The following ANKRD30A variants were observed in gnomAD, a reference collection of about 807,000 sequenced individuals.
The protein encoded by ANKRD30A is ankyrin repeat domain-containing protein 30A.
A neutral mutation model predicts 166.3 loss-of-function variants in ANKRD30A; 170 were observed. The observed-to-expected ratio is 1.02, with a 90% CI of 0.90 to 1.16. The LOEUF (loss-of-function observed/expected upper bound fraction) is 1.16. Ranked by LOEUF, ANKRD30A falls within the 50% of genes most tolerant of loss-of-function variation. ANKRD30A has a pLI of 0.00. For synonymous variants in ANKRD30A, 564 were observed against 508.9 expected (o/e 1.11, Z -1.46); for missense variants, 1,630 against 1,518.0 (o/e 1.07, Z -1.23).
At chr10:37,209,087 G>A (rs548387462) in intron 31 of ANKRD30A, among the ~76,000 whole-genome samples, 1 of 152,194 alleles carries the variant, frequency 6.6e-6, no homozygotes, top group African/African-American at 2.4e-5. Flanking sequence ...TCTTTCTAAG[G>A]TTATCATTAT....
At chr10:37,251,376 A>G in the ANKRD30A span, among the ~76,000 whole-genome samples, 2 of 152,156 alleles carry the variant, frequency 1.3e-5, no homozygotes, top group Non-Finnish European at 2.9e-5. Context: ...AAGCATAGAA[A>G]CATGGCACCA....
intron 31 of ANKRD30A, among the ~76,000 whole-genome samples, chr10:37,212,105 T>C (rs1842359503): frequency 6.6e-6 from 1 of 151,896 alleles, no homozygotes; most frequent in South Asian, 2.1e-4. Context: ...GACATGATTG[T>C]ATATCTAGAA....
chr10:37,201,146 T>A, intron 30 of ANKRD30A, 89 bp from the exon 31 acceptor site: 5 of 1,123,320 alleles, frequency 4.5e-6, no homozygotes, highest in Non-Finnish European at 6.1e-6. Context: ...GGACTTTTTT[T>A]TAAAAAAAGA....
chr10:37,137,550 T>TTAGCAAAC (rs1215151465), intron 6 of ANKRD30A, among the ~76,000 whole-genome samples: 1 of 152,182 alleles, frequency 6.6e-6, no homozygotes, highest in Non-Finnish European at 1.5e-5. Context: ...TCCAATGGTC[T>TTAGCAAAC]TAGCAAACGG....
intron 31 of ANKRD30A, among the ~76,000 whole-genome samples, chr10:37,206,205 G>C (rs888703752): frequency 1.3e-5 from 2 of 152,058 alleles, no homozygotes; most frequent in African/African-American, 4.8e-5. Context: ...GAAGTGGGAG[G>C]GGGGAAGAAG....
chr10:37,152,655 G>A (rs552120814), intron 12 of ANKRD30A, among the ~76,000 whole-genome samples: 188 of 152,220 alleles, frequency 1.2e-3, no homozygotes, highest in Non-Finnish European at 2.0e-3. Flanking sequence ...CCTTGTGGGA[G>A]TATAATAACA....
intron 34 of ANKRD30A, among the ~76,000 whole-genome samples, chr10:37,226,540 G>C (rs1353402438): frequency 2.0e-5 from 3 of 151,592 alleles, no homozygotes; most frequent in Non-Finnish European, 4.4e-5. Context: ...TCTTCTTACT[G>C]CTGAGTATAT....
At chr10:37,167,483 CT>C (rs1227035199) in intron 19 of ANKRD30A, among the ~76,000 whole-genome samples, 6 of 151,454 alleles carry the variant, frequency 4.0e-5, no homozygotes, top group Admixed American at 1.3e-4. Flanking sequence ...CCATAAAACT[CT>C]GAATTTATGA....
chr10:37,233,373 G>C (rs1018455018), downstream of ANKRD30A, among the ~76,000 whole-genome samples: 1 of 152,114 alleles, frequency 6.6e-6, no homozygotes, highest in African/African-American at 2.4e-5. Flanking sequence ...TGAAGTGTTA[G>C]TCATGATGCA....
At chr10:37,231,955 A>G (rs1843429605) in intron 35 of ANKRD30A, among the ~76,000 whole-genome samples, 1 of 152,052 alleles carries the variant, frequency 6.6e-6, no homozygotes, top group Non-Finnish European at 1.5e-5. Context: ...ACATTTTAGA[A>G]AGGGAATATT....
At chr10:37,149,358 C>A (rs1209042908) in intron 9 of ANKRD30A, among the ~76,000 whole-genome samples, 3 of 151,942 alleles carry the variant, frequency 2.0e-5, no homozygotes, top group Non-Finnish European at 4.4e-5. Context: ...CGTGGTGTAG[C>A]ATTCCATGTT....
At chr10:37,252,045 C>T in the ANKRD30A span, among the ~76,000 whole-genome samples, 4 of 152,106 alleles carry the variant, frequency 2.6e-5, no homozygotes, top group African/African-American at 2.4e-5. Context: ...GGAGTTTTCC[C>T]ATCATGTGTC....
chr10:37,256,414 A>C, the ANKRD30A span, among the ~76,000 whole-genome samples: 2 of 152,140 alleles, frequency 1.3e-5, no homozygotes, highest in Non-Finnish European at 2.9e-5. Context: ...ACACCACCAC[A>C]CTTGGCTAAT....
the ANKRD30A span, among the ~76,000 whole-genome samples, chr10:37,255,234 T>C: frequency 6.6e-6 from 1 of 152,004 alleles, no homozygotes; most frequent in Non-Finnish European, 1.5e-5. Context: ...CACATGAACA[T>C]AGAGTGTAGA....
At position 37,231,489 on chromosome 10, in the gene ANKRD30A, T is replaced by C. The variant is rs775215417; in HGVS notation, c.*20T>C. 3 of 1,582,624 alleles carry C rather than the reference T, an allele frequency of 1.9e-6. No homozygotes were observed. The highest frequency in any genetic ancestry group is 4.6e-5 in the East Asian group (2 of 43,610). On this transcript the variant is annotated 3_prime_UTR_variant, in exon 35 of 36. Transcript: ENST00000361713. ...TCATGAGAGACAAGCAGTAAGAAAC[T>C]TCTTTTGGAGAAACAACAGACCAGA... is the stretch of plus-strand genomic sequence containing the variant.
the ANKRD30A span, among the ~76,000 whole-genome samples, chr10:37,255,508 C>A: frequency 1.8e-4 from 27 of 152,256 alleles, no homozygotes; most frequent in Admixed American, 8.5e-4. Context: ...GCCATTTTAA[C>A]CATTTTAAAC....
intron 33 of ANKRD30A, 93 bp downstream of exon 33, chr10:37,217,971 G>T: frequency 1.1e-6 from 1 of 889,232 alleles, no homozygotes; most frequent in Non-Finnish European, 1.6e-6. Flanking sequence ...TATTATTCAG[G>T]TCTAAATCAA....
At chr10:37,193,615 A>T (rs1427004460) in intron 27 of ANKRD30A, among the ~76,000 whole-genome samples, 1 of 152,104 alleles carries the variant, frequency 6.6e-6, no homozygotes, top group Non-Finnish European at 1.5e-5. Context: ...GTTTACTTAG[A>T]AGAAAGTTCC....
intron 11 of ANKRD30A, 67 bp downstream of exon 11, chr10:37,149,916 A>C: frequency 6.3e-7 from 1 of 1,592,964 alleles, no homozygotes; most frequent in Non-Finnish European, 8.6e-7. Context: ...TGGTCTTTCT[A>C]TCCCCAATGC....
Sources: gnomAD v4.1 joint callset for allele counts (sites outside exome capture counted in the v4.1 genomes callset) on GRCh38, gnomAD v4.1.1 for gene constraint, MANE v1.5 for transcripts, NCBI Gene and HGNC (gene_info 2026-07-23, HGNC 2026-07-21) for gene names.